Variants in DGKH observed in about 807,000 individuals in gnomAD.
DGKH encodes the protein DAG kinase eta.
Under a neutral mutation model 159.3 loss-of-function variants are expected in DGKH, and 90 were observed. The observed-to-expected ratio is 0.57, with a 90% CI of 0.48 to 0.67. DGKH has a LOEUF of 0.67. Among genes scored for constraint, DGKH ranks in the 30% least tolerant of loss-of-function variants. The pLI is 0.00. For synonymous variants in DGKH, 536 were observed against 553.8 expected, an observed-to-expected ratio of 0.97 and a Z score of 0.45; for missense variants, 1,181 against 1,506.1, an observed-to-expected ratio of 0.78 and a Z score of 3.57.
At chr13:42,255,871 A>C in intron 30 of DGKH, 46 of 1,071,348 alleles carry the variant, frequency 4.3e-5, no homozygotes, top group Non-Finnish European at 5.7e-5. Flanking sequence ...AGAGACTGAT[A>C]GAGAAGGTTG....
At chr13:42,095,606 T>G (rs1285567467) in intron 1 of DGKH, among the ~76,000 whole-genome samples, 2 of 152,234 alleles carry the variant, frequency 1.3e-5, no homozygotes, top group Non-Finnish European at 2.9e-5. Context: ...TTTTCTTCTA[T>G]ATTCCCTCTC....
In DGKH at chr13:42,212,180, T is replaced by C. The variant is rs145467557; in HGVS notation, c.3014+1415T>C. On this transcript the variant is annotated intron_variant, in intron 24 of 29. Coordinates refer to ENST00000337343, the MANE Select transcript of DGKH (RefSeq NM_178009.5). ...CTTTCCTCCTCTCTACTATTTGCCA[T>C]CTGCTCCCCTCCCATTCCTTACTCT... Among the ~76,000 whole-genome samples, 123 of 152,310 alleles carry C rather than the reference T, an allele frequency of 8.1e-4. 2 individuals carry two copies. Among genetic ancestry groups the C allele is most frequent in the African/African-American group, 2.7e-3 (113 of 41,564 alleles).
intron 20 of DGKH, among the ~76,000 whole-genome samples, chr13:42,201,061 C>T (rs1423689551): frequency 2.7e-5 from 4 of 150,942 alleles, no homozygotes; most frequent in African/African-American, 4.9e-5. Context: ...GGTGCGATCT[C>T]GGCTCACTGC....
chr13:42,192,585 T>C (rs1006312918), intron 16 of DGKH, among the ~76,000 whole-genome samples: 9 of 79,932 alleles, frequency 1.1e-4, no homozygotes, highest in South Asian at 4.6e-4. Flanking sequence ...CTTCTTCTTC[T>C]TTTTCCTCTT....
intron 3 of DGKH, among the ~76,000 whole-genome samples, chr13:42,145,901 C>T (rs779922000): frequency 6.6e-6 from 1 of 152,166 alleles, no homozygotes; most frequent in East Asian, 1.9e-4. Flanking sequence ...TTATAGATCT[C>T]ATGTTTGTAA....
chr13:42,169,859 A>G (rs1956401974), intron 11 of DGKH, among the ~76,000 whole-genome samples: 1 of 152,212 alleles, frequency 6.6e-6, no homozygotes, highest in Admixed American at 6.5e-5. Context: ...TTATAATCTT[A>G]TGTGCTACTG....
Position 42,219,351 on chromosome 13 carries a change from T to G in DGKH, c.3333+2T>G, listed in dbSNP as rs1164200217. The G allele has an allele frequency of 2.5e-6, 4 of 1,613,198 alleles. No individual in the cohort carries two copies. In the East Asian group the frequency reaches 6.7e-5, roughly 27 times the overall value. ...ATCTTACACCCAAATGAGGATGAGG[T>G]ATGTAAAATTCAGCCTGTTTCTCTA... On this transcript the variant is annotated splice_donor_variant, in intron 27 of 29. Transcript: ENST00000337343. LOFTEE classifies it high-confidence loss of function.
At chr13:42,142,690 C>A (rs1955599365) in intron 3 of DGKH, among the ~76,000 whole-genome samples, 1 of 151,852 alleles carries the variant, frequency 6.6e-6, no homozygotes, top group Admixed American at 6.6e-5. Context: ...TGATTTGGCT[C>A]TCTGTTTGTC....
chr13:42,063,838 C>A (rs1264993834), intron 1 of DGKH, among the ~76,000 whole-genome samples: 1 of 151,888 alleles, frequency 6.6e-6, no homozygotes, highest in African/African-American at 2.4e-5. Flanking sequence ...AGTCGGGAGG[C>A]TGAGGCAAGA....
At chr13:42,153,879 C>T (rs989116146) in intron 3 of DGKH, 3 of 152,214 alleles carry the variant, frequency 2.0e-5, no homozygotes, top group Admixed American at 6.5e-5. Context: ...GATTGGTGCT[C>T]CTCTTCCATG....
chr13:42,069,256 C>A (rs61959196), intron 1 of DGKH: 1 of 1,084,468 alleles, frequency 9.2e-7, no homozygotes. Flanking sequence ...TCCTTTCTTA[C>A]TTCACAAAAC....
intron 3 of DGKH, among the ~76,000 whole-genome samples, chr13:42,150,806 C>T (rs1376179558): frequency 1.3e-5 from 2 of 152,120 alleles, no homozygotes; most frequent in East Asian, 3.8e-4. Flanking sequence ...AAGATGTTCA[C>T]ATCCTAATCC....
At chr13:42,197,362 T>G (rs1328107471) in intron 17 of DGKH, among the ~76,000 whole-genome samples, 1 of 151,924 alleles carries the variant, frequency 6.6e-6, no homozygotes, top group African/African-American at 2.4e-5. Flanking sequence ...TTTATTGTTT[T>G]CTTCATTCAT....
intron 1 of DGKH, among the ~76,000 whole-genome samples, chr13:42,088,433 T>C (rs1414964716): frequency 6.6e-6 from 1 of 152,164 alleles, no homozygotes; most frequent in African/African-American, 2.4e-5. Flanking sequence ...AAACTAATAA[T>C]GTTTTCTGGG....
intron 1 of DGKH, among the ~76,000 whole-genome samples, chr13:42,073,235 G>T (rs11842621): frequency 0.024 from 3,669 of 152,306 alleles, 57 homozygotes; most frequent in Admixed American, 0.034. Context: ...TTAGAGCAGG[G>T]TATGCAGTGT....
At chr13:42,185,813 C>G (rs1215210946) in intron 13 of DGKH, among the ~76,000 whole-genome samples, 1 of 152,084 alleles carries the variant, frequency 6.6e-6, no homozygotes, top group Non-Finnish European at 1.5e-5. Flanking sequence ...GCTAGATTCT[C>G]TGTAGAAATT....
At chr13:42,160,254 G>A (rs776701523) in intron 7 of DGKH, 118 bp downstream of exon 7, 26 of 1,329,962 alleles carry the variant, frequency 2.0e-5, no homozygotes, top group South Asian at 3.8e-5. Context: ...GGTAGCATAC[G>A]CATCTCATGA....
intron 1 of DGKH, among the ~76,000 whole-genome samples, chr13:42,102,796 A>G (rs1425629283): frequency 6.6e-6 from 1 of 152,216 alleles, no homozygotes; most frequent in African/African-American, 2.4e-5. Context: ...AAAGACTAGG[A>G]AAGCCTTGGA....
At chr13:42,142,440 T>G (rs1351248084) in intron 3 of DGKH, among the ~76,000 whole-genome samples, 2 of 151,276 alleles carry the variant, frequency 1.3e-5, no homozygotes, top group Non-Finnish European at 3.0e-5. Flanking sequence ...AAGAAAGTCA[T>G]TGGTAGCTTG....
Sources: allele counts gnomAD v4.1 joint callset (sites outside exome capture counted in the v4.1 genomes callset), GRCh38; gene constraint gnomAD v4.1.1; transcripts MANE v1.5; gene names NCBI Gene and HGNC (gene_info 2026-07-23, HGNC 2026-07-21).